CDC14B: variants seen among roughly 807,000 people sequenced by gnomAD.
The protein encoded by CDC14B is dual specificity protein phosphatase CDC14B.
CDC14B carries 22 observed loss-of-function variants against 64.2 expected under a neutral mutation model. That is an observed-to-expected ratio of 0.34 (90% CI 0.24 to 0.49). The LOEUF is 0.49. Ranked by LOEUF, CDC14B falls within the 20% of genes least tolerant of loss-of-function variation. CDC14B has a pLI of 0.99. For missense variants in CDC14B, 498 were observed against 629.9 expected (o/e 0.79, Z 2.24); for synonymous variants, 191 against 215.8 (o/e 0.89, Z 1.01).
chr9:96,565,115 C>T (rs1459324542), intron 2 of CDC14B, among the ~76,000 whole-genome samples: 1 of 152,072 alleles, frequency 6.6e-6, no homozygotes, highest in African/African-American at 2.4e-5. Context: ...GCTGTTTTTC[C>T]ACACATATTT....
chr9:96,557,245 C>T (rs1163845272), intron 4 of CDC14B, among the ~76,000 whole-genome samples: 1 of 152,226 alleles, frequency 6.6e-6, no homozygotes, highest in East Asian at 1.9e-4. Context: ...GGGCCTGTGC[C>T]GTCCCTTTGC....
chr9:96,610,258 C>T (rs1337166675), intron 1 of CDC14B, among the ~76,000 whole-genome samples: 4 of 152,032 alleles, frequency 2.6e-5, no homozygotes, highest in Non-Finnish European at 5.9e-5. Context: ...AGTGAAGTGG[C>T]GCAATCTCAG....
chr9:96,610,156 T>C (rs1847221898), intron 1 of CDC14B, among the ~76,000 whole-genome samples: 2 of 152,156 alleles, frequency 1.3e-5, no homozygotes, highest in Non-Finnish European at 1.5e-5. Flanking sequence ...TGCCCGTATC[T>C]GAGGCATTTG....
intron 1 of CDC14B, among the ~76,000 whole-genome samples, chr9:96,577,295 T>G (rs1311317008): frequency 6.6e-6 from 1 of 151,410 alleles, no homozygotes; most frequent in African/African-American, 2.4e-5. Flanking sequence ...TAAAAAAATC[T>G]ATCAATCTAT....
intron 1 of CDC14B, among the ~76,000 whole-genome samples, chr9:96,588,324 T>A (rs1845574569): frequency 6.6e-6 from 1 of 152,218 alleles, no homozygotes; most frequent in Non-Finnish European, 1.5e-5. Flanking sequence ...AGCAGCCCAC[T>A]GCTGTGCATA....
intron 12 of CDC14B, among the ~76,000 whole-genome samples, chr9:96,520,820 C>T (rs1328225910): frequency 4.0e-5 from 6 of 150,944 alleles, no homozygotes; most frequent in African/African-American, 1.2e-4. Context: ...CACCCCCACC[C>T]CACCAATCAT....
At chr9:96,534,956 T>C (rs1228445321) in intron 7 of CDC14B, among the ~76,000 whole-genome samples, 1 of 152,188 alleles carries the variant, frequency 6.6e-6, no homozygotes, top group East Asian at 1.9e-4. Context: ...ACATGAGCAA[T>C]CTTGACTCCA....
chr9:96,537,243 G>A (rs1268508011), intron 7 of CDC14B, among the ~76,000 whole-genome samples: 2 of 152,092 alleles, frequency 1.3e-5, no homozygotes, highest in Non-Finnish European at 2.9e-5. Flanking sequence ...AGCCAAGATC[G>A]CACCACTGCA....
chr9:96,497,024 A>C (rs1833277058), downstream of CDC14B, among the ~76,000 whole-genome samples: 1 of 152,192 alleles, frequency 6.6e-6, no homozygotes, highest in Admixed American at 6.5e-5. Context: ...GCCCCGCCTG[A>C]AAAGACGTCG....
chr9:96,510,708 C>A (rs753582448), intron 12 of CDC14B, among the ~76,000 whole-genome samples: 1 of 151,622 alleles, frequency 6.6e-6, no homozygotes, highest in Non-Finnish European at 1.5e-5. Flanking sequence ...CAGGTTCAAG[C>A]GATCCTCCTG....
intron 1 of CDC14B, among the ~76,000 whole-genome samples, chr9:96,571,650 T>C (rs1426051313): frequency 6.6e-6 from 1 of 152,180 alleles, no homozygotes; most frequent in East Asian, 1.9e-4. Context: ...TATAATTATA[T>C]ACTTATTGGT....
Position 96,546,453 on chromosome 9 carries a change from C to T in CDC14B, c.498-4561G>A, listed in dbSNP as rs1378014977. 3.5e-5 allele frequency among the ~76,000 whole-genome samples: 5 copies of T among 141,166 alleles called. No homozygotes were observed. In the East Asian group the frequency reaches 6.2e-4, roughly 18 times the overall value. The allele number at this position is 141,166 out of a possible 152,430, so 92.6% of individuals were successfully genotyped here. ...GACAGAGAATTTTTTTTTTTTTTTG[C>T]GGGGAGTGGGGTGGGGACGGAGTTT... is the stretch of plus-strand genomic sequence containing the variant. On this transcript the variant is annotated intron_variant, in intron 5 of 13. Transcript: ENST00000375241.
intron 12 of CDC14B, among the ~76,000 whole-genome samples, chr9:96,517,319 C>A (rs1428052197): frequency 7.0e-6 from 1 of 143,510 alleles, no homozygotes; most frequent in Admixed American, 6.9e-5. Context: ...TCTAGCCTGG[C>A]CGACAGAGCG....
intron 1 of CDC14B, among the ~76,000 whole-genome samples, chr9:96,575,055 C>T (rs958941062): frequency 1.3e-5 from 2 of 152,206 alleles, no homozygotes; most frequent in African/African-American, 4.8e-5. Flanking sequence ...ACAAATAACC[C>T]TGAAATCTTA....
At chr9:96,579,997 T>G (rs564999390) in intron 1 of CDC14B, among the ~76,000 whole-genome samples, 1 of 152,234 alleles carries the variant, frequency 6.6e-6, no homozygotes, top group South Asian at 2.1e-4. Flanking sequence ...AATAAAAAAC[T>G]ATTTCTATGA....
At chr9:96,494,789 C>A (rs1392825495) in intron 13 of CDC14B, among the ~76,000 whole-genome samples, 1 of 117,078 alleles carries the variant, frequency 8.5e-6, no homozygotes, top group Non-Finnish European at 1.8e-5. Context: ...CCCGTCCCCT[C>A]CCGTCCTGTC....
intron 1 of CDC14B, among the ~76,000 whole-genome samples, chr9:96,603,483 C>G (rs1259121827): frequency 6.6e-6 from 1 of 152,188 alleles, no homozygotes; most frequent in African/African-American, 2.4e-5. Flanking sequence ...ATAAATGCGT[C>G]ATGAAACTAG....
intron 1 of CDC14B, among the ~76,000 whole-genome samples, chr9:96,605,241 C>A (rs896177983): frequency 6.6e-6 from 1 of 152,142 alleles, no homozygotes; most frequent in Admixed American, 6.5e-5. Flanking sequence ...CCAGCCATAT[C>A]CCCTTCCCAT....
At chr9:96,548,632 CT>C (rs1374169237) in intron 5 of CDC14B, among the ~76,000 whole-genome samples, 1 of 152,036 alleles carries the variant, frequency 6.6e-6, no homozygotes, top group Non-Finnish European at 1.5e-5. Context: ...GCCTGGGCAA[CT>C]TAGTGAAACC....
Sources: allele counts gnomAD v4.1 joint callset (sites outside exome capture counted in the v4.1 genomes callset), GRCh38; gene constraint gnomAD v4.1.1; transcripts MANE v1.5; gene names NCBI Gene and HGNC (gene_info 2026-07-23, HGNC 2026-07-21).